The following SPOCK3 variants were observed in gnomAD, a reference collection of about 807,000 sequenced individuals.
SPOCK3 encodes the protein testican-3.
A neutral mutation model predicts 56.6 loss-of-function variants in SPOCK3; 30 were observed. That is an observed-to-expected ratio of 0.53 (90% CI 0.40 to 0.72). The LOEUF (loss-of-function observed/expected upper bound fraction) is 0.72. Ranked by LOEUF, SPOCK3 falls within the 30% of genes least tolerant of loss-of-function variation. The pLI, the probability that SPOCK3 is intolerant of heterozygous loss-of-function variation, is 0.00. For synonymous variants in SPOCK3, 196 were observed against 183.3 expected, an observed-to-expected ratio of 1.07 and a Z score of -0.56; for missense variants, 527 against 530.0, an observed-to-expected ratio of 0.99 and a Z score of 0.06.
intron 2 of SPOCK3, among the ~76,000 whole-genome samples, chr4:167,082,700 C>T (rs973281481): frequency 7.6e-6 from 1 of 131,000 alleles, no homozygotes; most frequent in African/African-American, 2.9e-5. Flanking sequence ...TTAGTTGTAA[C>T]ACAAATCTCA....
At position 167,035,236 on chromosome 4, in the gene SPOCK3, T is replaced by C. The variant is rs1187611505; in HGVS notation, c.235+27256A>G. On this transcript the variant is annotated intron_variant, in intron 3 of 10. Coordinates refer to ENST00000357545, the MANE Select transcript of SPOCK3 (RefSeq NM_001040159.2). ...ACTGAATGACTCAAGAGACCTGATG[T>C]AGCAGTACTTTTTTGTTGTTATTGT... is the stretch of plus-strand genomic sequence containing the variant. 4.6e-5 allele frequency among the ~76,000 whole-genome samples: 7 copies of C among 152,252 alleles called. No individual in the cohort carries two copies. The East Asian group carries it at 1.4e-3, about 29-fold the overall frequency.
intron 4 of SPOCK3, among the ~76,000 whole-genome samples, chr4:166,951,051 C>T (rs1369411849): frequency 7.3e-6 from 1 of 137,242 alleles, no homozygotes; most frequent in East Asian, 2.0e-4. Flanking sequence ...CAAACACATT[C>T]AAAAGCTAGC....
chr4:167,178,691 G>T (rs371447033), intron 2 of SPOCK3, among the ~76,000 whole-genome samples: 1 of 152,002 alleles, frequency 6.6e-6, no homozygotes, highest in African/African-American at 2.4e-5. Context: ...AAAGAGATAT[G>T]ATAATAACAT....
intron 7 of SPOCK3, among the ~76,000 whole-genome samples, chr4:166,780,833 A>G (rs192671533): frequency 1.8e-4 from 27 of 152,236 alleles, no homozygotes; most frequent in African/African-American, 6.0e-4. Context: ...ACCTTCTATC[A>G]ATGGTGGAGG....
At chr4:166,845,781 A>G (rs1747994959) in intron 6 of SPOCK3, among the ~76,000 whole-genome samples, 1 of 152,230 alleles carries the variant, frequency 6.6e-6, no homozygotes, top group Non-Finnish European at 1.5e-5. Flanking sequence ...TTACTTTAAG[A>G]TGCAATAAAA....
intron 4 of SPOCK3, among the ~76,000 whole-genome samples, chr4:166,981,210 C>T (rs1003717457): frequency 3.3e-5 from 5 of 151,478 alleles, no homozygotes; most frequent in African/African-American, 7.3e-5. Context: ...GTCCAGGTCT[C>T]GTTAGAGAGA....
intron 7 of SPOCK3, among the ~76,000 whole-genome samples, chr4:166,773,012 G>A (rs150371348): frequency 8.3e-4 from 126 of 152,152 alleles, no homozygotes; most frequent in African/African-American, 2.5e-3. Flanking sequence ...TGCTGGTCTC[G>A]AACTACTGGC....
chr4:167,018,703 A>G (rs940303478), intron 3 of SPOCK3, among the ~76,000 whole-genome samples: 2 of 151,938 alleles, frequency 1.3e-5, no homozygotes, highest in African/African-American at 2.4e-5. Flanking sequence ...TGAGAATCCA[A>G]TATCTTATTA....
chr4:166,856,158 A>AGGGGAG (rs1553988740), intron 6 of SPOCK3, among the ~76,000 whole-genome samples: 1 of 138,178 alleles, frequency 7.2e-6, no homozygotes, highest in Non-Finnish European at 1.5e-5. Flanking sequence ...CCAGAGACTG[A>AGGGGAG]GGGGAGGAGG....
chr4:167,205,234 A>G (rs1271588802), intron 2 of SPOCK3, among the ~76,000 whole-genome samples: 1 of 91,524 alleles, frequency 1.1e-5, no homozygotes, highest in African/African-American at 4.5e-5. Flanking sequence ...TTATATCTAT[A>G]ATACATATTA....
intron 2 of SPOCK3, among the ~76,000 whole-genome samples, chr4:167,174,756 A>C: frequency 6.6e-6 from 1 of 152,312 alleles, no homozygotes; most frequent in African/African-American, 2.4e-5. Context: ...GGGCTCCATA[A>C]ATAAGCTTTA....
At chr4:166,898,105 C>T (rs2127041567) in intron 5 of SPOCK3, among the ~76,000 whole-genome samples, 1 of 152,128 alleles carries the variant, frequency 6.6e-6, no homozygotes, top group Admixed American at 6.5e-5. Context: ...GAAGCTGAGG[C>T]AGGAGGATCA....
intron 6 of SPOCK3, among the ~76,000 whole-genome samples, chr4:166,816,657 A>T (rs191172510): frequency 6.6e-6 from 1 of 152,100 alleles, no homozygotes; most frequent in Non-Finnish European, 1.5e-5. Flanking sequence ...ATGCATAACT[A>T]ATTTTAAATC....
At chr4:166,878,176 G>A (rs1014129850) in intron 6 of SPOCK3, among the ~76,000 whole-genome samples, 2 of 152,162 alleles carry the variant, frequency 1.3e-5, no homozygotes, top group African/African-American at 4.8e-5. Context: ...CTATTCAGGA[G>A]GCTGAGGCAG....
chr4:166,942,974 CTG>C (rs1367272452), intron 4 of SPOCK3, among the ~76,000 whole-genome samples: 1 of 152,086 alleles, frequency 6.6e-6, no homozygotes, highest in Non-Finnish European at 1.5e-5. Context: ...TGCATATATT[CTG>C]TCTTTTTTTC....
chr4:167,211,911 A>T (rs1029830410), intron 2 of SPOCK3, among the ~76,000 whole-genome samples: 6 of 152,206 alleles, frequency 3.9e-5, no homozygotes, highest in Non-Finnish European at 8.8e-5. Flanking sequence ...ATGCAGATAT[A>T]AAACAGAAAC....
chr4:167,139,841 A>G (rs1372316316), intron 2 of SPOCK3, among the ~76,000 whole-genome samples: 1 of 151,906 alleles, frequency 6.6e-6, no homozygotes, highest in Non-Finnish European at 1.5e-5. Flanking sequence ...TAATTACCTT[A>G]CTCTAGCCAA....
chr4:166,927,300 G>A (rs1053629882), intron 4 of SPOCK3, among the ~76,000 whole-genome samples: 29 of 152,186 alleles, frequency 1.9e-4, no homozygotes, highest in South Asian at 1.5e-3. Flanking sequence ...TCATTGGGGC[G>A]GTTTCTCCAT....
At chr4:167,121,338 C>A (rs1761848367) in intron 2 of SPOCK3, among the ~76,000 whole-genome samples, 1 of 151,714 alleles carries the variant, frequency 6.6e-6, no homozygotes, top group East Asian at 1.9e-4. Context: ...ATAAAAATTT[C>A]TCTTAGCCAG....
Sources: gnomAD v4.1 joint callset for allele counts (sites outside exome capture counted in the v4.1 genomes callset) on GRCh38, gnomAD v4.1.1 for gene constraint, MANE v1.5 for transcripts, NCBI Gene and HGNC (gene_info 2026-07-23, HGNC 2026-07-21) for gene names.